The following PLPPR1 variants were observed in gnomAD, a reference collection of about 807,000 sequenced individuals.
PLPPR1 encodes phospholipid phosphatase related 1.
A neutral mutation model predicts 33.1 loss-of-function variants in PLPPR1; 10 were observed. That is an observed-to-expected ratio of 0.30 (90% CI 0.19 to 0.51). The LOEUF (loss-of-function observed/expected upper bound fraction) is 0.51. Ranked by LOEUF, PLPPR1 falls within the 20% of genes least tolerant of loss-of-function variation. PLPPR1 has a pLI of 0.97. For missense variants in PLPPR1, 304 were observed against 408.1 expected, an observed-to-expected ratio of 0.74 and a Z score of 2.20; for synonymous variants, 151 against 151.0, an observed-to-expected ratio of 1.00 and a Z score of 0.00.
intron 1 of PLPPR1, among the ~76,000 whole-genome samples, chr9:101,132,895 T>C (rs1831329572): frequency 6.6e-6 from 1 of 152,192 alleles, no homozygotes; most frequent in African/African-American, 2.4e-5. Context: ...CATCCCTTCA[T>C]TTTTCCTCAG....
At chr9:101,061,187 G>C (rs1413295030) in intron 1 of PLPPR1, among the ~76,000 whole-genome samples, 1 of 151,870 alleles carries the variant, frequency 6.6e-6, no homozygotes, top group Non-Finnish European at 1.5e-5. Context: ...CACATATACA[G>C]ATTGAAGATC....
intron 1 of PLPPR1, among the ~76,000 whole-genome samples, chr9:101,138,868 G>GT (rs933254573): frequency 3.3e-5 from 5 of 152,128 alleles, no homozygotes; most frequent in Admixed American, 2.6e-4. Context: ...CAAATTTCAT[G>GT]TTTTTTCCCC....
At chr9:101,030,630 T>G (rs1829934129) in intron 1 of PLPPR1, among the ~76,000 whole-genome samples, 1 of 151,870 alleles carries the variant, frequency 6.6e-6, no homozygotes, top group African/African-American at 2.4e-5. Context: ...GAGCCTTGTA[T>G]TTTTAGGAAA....
intron 2 of PLPPR1, among the ~76,000 whole-genome samples, chr9:101,207,275 GA>G (rs1185071189): frequency 1.3e-5 from 2 of 152,142 alleles, no homozygotes; most frequent in East Asian, 3.9e-4. Flanking sequence ...CTTAAAAAAG[GA>G]AGGAAAATGA....
chr9:101,160,744 G>T (rs143772192), intron 1 of PLPPR1, among the ~76,000 whole-genome samples: 2 of 151,928 alleles, frequency 1.3e-5, no homozygotes, highest in Non-Finnish European at 1.5e-5. Context: ...TGCAAAAATC[G>T]TATGACTGGA....
At chr9:101,133,377 C>T (rs1831338999) in intron 1 of PLPPR1, among the ~76,000 whole-genome samples, 1 of 152,134 alleles carries the variant, frequency 6.6e-6, no homozygotes, top group Non-Finnish European at 1.5e-5. Flanking sequence ...CTTGTAGTAA[C>T]ATGAGAACGC....
intron 1 of PLPPR1, among the ~76,000 whole-genome samples, chr9:101,114,996 T>G (rs1831102060): frequency 6.6e-6 from 1 of 152,194 alleles, no homozygotes; most frequent in Non-Finnish European, 1.5e-5. Flanking sequence ...CTAATTATGT[T>G]TCTCAGCATA....
At chr9:101,273,613 TA>T (rs1485089266) in intron 3 of PLPPR1, among the ~76,000 whole-genome samples, 1 of 152,218 alleles carries the variant, frequency 6.6e-6, no homozygotes, top group African/African-American at 2.4e-5. Context: ...TAACATATCC[TA>T]AGAAGATACA....
chr9:101,046,154 G>A (rs1015325547), intron 1 of PLPPR1, among the ~76,000 whole-genome samples: 7 of 152,288 alleles, frequency 4.6e-5, no homozygotes, highest in Middle Eastern at 6.8e-3. Flanking sequence ...ATCCATTGCT[G>A]TGTGTGGACT....
chr9:101,210,868 C>T (rs1050972764), intron 2 of PLPPR1, among the ~76,000 whole-genome samples: 8 of 152,158 alleles, frequency 5.3e-5, no homozygotes, highest in African/African-American at 1.9e-4. Flanking sequence ...CCTGGGTTCA[C>T]ACCATTCTCC....
At chr9:101,089,262 A>G (rs971221371) in intron 1 of PLPPR1, among the ~76,000 whole-genome samples, 2 of 151,808 alleles carry the variant, frequency 1.3e-5, no homozygotes, top group African/African-American at 4.8e-5. Context: ...TTGCCCAGGA[A>G]TACATAGTAA....
At chr9:101,208,228 G>A (rs561465211) in intron 2 of PLPPR1, among the ~76,000 whole-genome samples, 3 of 152,310 alleles carry the variant, frequency 2.0e-5, no homozygotes, top group African/African-American at 7.2e-5. Context: ...GGACAGTGTA[G>A]AAGTGAATGC....
At chr9:101,255,025 A>C (rs1382961238) in intron 2 of PLPPR1, among the ~76,000 whole-genome samples, 1 of 152,194 alleles carries the variant, frequency 6.6e-6, no homozygotes, top group Non-Finnish European at 1.5e-5. Context: ...CTATATTCTC[A>C]TCAACACTTA....
intron 2 of PLPPR1, among the ~76,000 whole-genome samples, chr9:101,208,901 T>G (rs1213336942): frequency 6.6e-6 from 1 of 152,214 alleles, no homozygotes; most frequent in East Asian, 1.9e-4. Flanking sequence ...GCATGCCATT[T>G]AGTCTGTCTG....
At chr9:101,089,342 G>T (rs1017632793) in intron 1 of PLPPR1, among the ~76,000 whole-genome samples, 1 of 151,604 alleles carries the variant, frequency 6.6e-6, no homozygotes, top group Non-Finnish European at 1.5e-5. Context: ...GTAGTTAATT[G>T]TTGTTAACCA....
chr9:101,295,055 T>C (rs1184079314), intron 4 of PLPPR1, among the ~76,000 whole-genome samples: 6 of 152,160 alleles, frequency 3.9e-5, no homozygotes, highest in African/African-American at 7.2e-5. Context: ...AAAAACCCCA[T>C]TGTGTCAGCC....
intron 2 of PLPPR1, among the ~76,000 whole-genome samples, chr9:101,239,179 A>G (rs1439065755): frequency 6.6e-6 from 1 of 151,788 alleles, no homozygotes; most frequent in Non-Finnish European, 1.5e-5. Context: ...AGTGGCAATA[A>G]ACGTGGGGGT....
chr9:101,054,408 C>T (rs553804120), intron 1 of PLPPR1, among the ~76,000 whole-genome samples: 43 of 151,608 alleles, frequency 2.8e-4, no homozygotes, highest in Non-Finnish European at 4.4e-4. Flanking sequence ...TATTTGGACA[C>T]GACCTTTGAC....
intron 1 of PLPPR1, among the ~76,000 whole-genome samples, chr9:101,056,173 G>T (rs1179907499): frequency 6.6e-6 from 1 of 152,158 alleles, no homozygotes; most frequent in Non-Finnish European, 1.5e-5. Flanking sequence ...CCCAGTGCTT[G>T]TGTGGATGGA....
Sources: gnomAD v4.1 joint callset for allele counts (sites outside exome capture counted in the v4.1 genomes callset) on GRCh38, gnomAD v4.1.1 for gene constraint, MANE v1.5 for transcripts, NCBI Gene and HGNC (gene_info 2026-07-23, HGNC 2026-07-21) for gene names.